ZNF766: variants seen among roughly 807,000 people sequenced by gnomAD.
The protein encoded by ZNF766 is zinc finger protein 766.
In ZNF766, 13 loss-of-function variants were observed where a neutral mutation model predicts 13.2. The observed-to-expected ratio is 0.98, with a 90% CI of 0.64 to 1.56. ZNF766 has a LOEUF of 1.56. ZNF766 is among the 40% of genes most tolerant of loss of function. ZNF766 has a pLI of 0.00. For missense variants in ZNF766, 521 were observed against 552.2 expected (o/e 0.94, Z 0.57); for synonymous variants, 178 against 187.6 (o/e 0.95, Z 0.42).
intron 1 of ZNF766, chr19:52,281,452 G>A (rs923795907): frequency 3.6e-6 from 1 of 281,580 alleles, no homozygotes. Context: ...CTAGGAGGCG[G>A]AGGTTGCAGT....
intron 1 of ZNF766, among the ~76,000 whole-genome samples, chr19:52,275,086 C>T (rs894668077): frequency 2.6e-5 from 4 of 152,112 alleles, no homozygotes; most frequent in Admixed American, 1.3e-4. Context: ...AAAGGAGTGA[C>T]GCCTCTAGAA....
At chr19:52,284,273 A>G (rs1371055536) in intron 3 of ZNF766, among the ~76,000 whole-genome samples, 1 of 152,092 alleles carries the variant, frequency 6.6e-6, no homozygotes, top group Non-Finnish European at 1.5e-5. Flanking sequence ...CTCTGTCCTT[A>G]TACATCAGAG....
intron 1 of ZNF766, 77 bp from the exon 2 acceptor site, chr19:52,282,034 T>TA (rs1491582466): frequency 1.5e-5 from 23 of 1,543,404 alleles, no homozygotes; most frequent in Non-Finnish European, 1.9e-5. Context: ...AGTCAGTCCT[T>TA]ACAACCCTCT....
Position 52,273,149 on chromosome 19 carries a change from C to T in ZNF766, c.18+3518C>T, listed in dbSNP as rs375763579. On this transcript the variant is annotated intron_variant, in intron 1 of 3. Transcript: ENST00000439461. ...TCAGCCTCCCAAGTAGCTGGGACTACAGGCGTGCACCATCACGCCCAACTA... is the reference window on the plus strand; with the variant it reads ...TCAGCCTCCCAAGTAGCTGGGACTATAGGCGTGCACCATCACGCCCAACTA... Among the ~76,000 whole-genome samples, 4 of 152,182 alleles carry T rather than the reference C, an allele frequency of 2.6e-5. No individual in the cohort carries two copies. In the East Asian group the frequency reaches 7.8e-4, roughly 30 times the overall value.
At chr19:52,270,333 C>A (rs1402372695) in intron 1 of ZNF766, among the ~76,000 whole-genome samples, 1 of 152,080 alleles carries the variant, frequency 6.6e-6, no homozygotes, top group Non-Finnish European at 1.5e-5. Context: ...CATAACAAGA[C>A]GGCAACGCAG....
At chr19:52,271,675 A>G (rs1980981239) in intron 1 of ZNF766, among the ~76,000 whole-genome samples, 1 of 152,192 alleles carries the variant, frequency 6.6e-6, no homozygotes, top group Admixed American at 6.5e-5. Context: ...ACACAGACAC[A>G]CTGGCTGGGT....
Position 52,290,814 on chromosome 19 carries a change from CCT to C in ZNF766, c.1025_1026del (p.Leu342HisfsTer16), listed in dbSNP as rs1216019187. 1 of 1,613,818 alleles carries C rather than the reference CCT, an allele frequency of 6.2e-7. No homozygotes were observed. Among genetic ancestry groups the C allele is most frequent in the Admixed American group, 1.7e-5 (1 of 59,960 alleles). On this transcript the variant is annotated frameshift_variant, in exon 4 of 4. Transcript: ENST00000439461. LOFTEE classifies it low-confidence loss of function (END_TRUNC). ...GCAAAGAATTTAGTGGGCATTCAAG[CCT>C]CACCACCCATCTGTTAATCCACACT... ...CGKEFSGHSSLTTHLLIHTGE... is the reference protein window; with the variant it reads ...CGKEFSGHSSXTTHLLIHTGE...
chr19:52,282,026 T>G, intron 1 of ZNF766, 85 bp from the exon 2 acceptor site: 1 of 1,512,090 alleles, frequency 6.6e-7, no homozygotes, highest in Non-Finnish European at 9.0e-7. Flanking sequence ...TTCAGTTGAG[T>G]CAGTCCTTAC....
At chr19:52,277,910 C>T (rs942850010) in intron 1 of ZNF766, among the ~76,000 whole-genome samples, 2 of 151,814 alleles carry the variant, frequency 1.3e-5, no homozygotes, top group Non-Finnish European at 2.9e-5. Context: ...ACAGAAATCA[C>T]CTATTAATGT....
chr19:52,290,527 A>G lies in ZNF766; in HGVS notation c.736A>G (p.Lys246Glu), dbSNP rs1341681860. ...TACAGGAGAGAAACCTTACAAATGT[A>G]AAGAGTGTGGCAAGCTCTTCAATCG... Reference protein sequence around the residue: ...IRTGEKPYKCKECGKLFNRIA... With the variant: ...IRTGEKPYKCEECGKLFNRIA... Residue 246 changes from lysine to glutamate, a missense_variant, in exon 4 of 4, where the codon AAA becomes GAA. Lys to Glu is a moderately conservative substitution (Grantham distance 56, BLOSUM62 1). Transcript: ENST00000439461. 2 of 1,614,196 alleles carry G rather than the reference A, an allele frequency of 1.2e-6. No homozygotes were observed. The highest frequency in any genetic ancestry group is 1.7e-6 in the Non-Finnish European group (2 of 1,180,018).
intron 1 of ZNF766, 74 bp downstream of exon 1, chr19:52,269,705 G>C: frequency 6.3e-7 from 1 of 1,578,952 alleles, no homozygotes; most frequent in Non-Finnish European, 8.6e-7. Context: ...GATGTGGGGG[G>C]CGGTACAGAC....
chr19:52,277,478 C>G (rs1199592467), intron 1 of ZNF766: 2 of 1,562,888 alleles, frequency 1.3e-6, no homozygotes, highest in Admixed American at 3.7e-5. Context: ...CAAAAAAAGT[C>G]ATGTTATGTG....
intron 1 of ZNF766, among the ~76,000 whole-genome samples, chr19:52,272,211 C>G (rs1981009069): frequency 6.6e-6 from 1 of 152,150 alleles, no homozygotes. Flanking sequence ...CTCCACCATT[C>G]CTTTGATCCT....
At chr19:52,271,854 G>A (rs1386265317) in intron 1 of ZNF766, among the ~76,000 whole-genome samples, 1 of 151,926 alleles carries the variant, frequency 6.6e-6, no homozygotes, top group Non-Finnish European at 1.5e-5. Flanking sequence ...CAGTTACTCC[G>A]GAGGCTGAGG....
intron 1 of ZNF766, among the ~76,000 whole-genome samples, chr19:52,277,987 T>C (rs1372108579): frequency 6.6e-6 from 1 of 151,266 alleles, no homozygotes; most frequent in Non-Finnish European, 1.5e-5. Context: ...TTTTTTTTTT[T>C]TGGAGACAAG....
chr19:52,289,050 G>T (rs1219274477), intron 3 of ZNF766, among the ~76,000 whole-genome samples: 1 of 149,410 alleles, frequency 6.7e-6, no homozygotes, highest in Non-Finnish European at 1.5e-5. Flanking sequence ...TAGAGATAGG[G>T]TTTCACCATG....
intron 3 of ZNF766, among the ~76,000 whole-genome samples, chr19:52,284,307 C>G (rs1275091486): frequency 3.3e-5 from 5 of 152,172 alleles, no homozygotes; most frequent in African/African-American, 1.2e-4. Context: ...AGACCTGCCT[C>G]CTTGACCTAT....
intron 3 of ZNF766, among the ~76,000 whole-genome samples, chr19:52,285,245 G>A (rs1028303691): frequency 6.6e-6 from 1 of 152,086 alleles, no homozygotes; most frequent in African/African-American, 2.4e-5. Flanking sequence ...CTGACCAAAG[G>A]TGTGGGGGGT....
intron 3 of ZNF766, among the ~76,000 whole-genome samples, chr19:52,289,754 A>T (rs1465885231): frequency 6.6e-6 from 1 of 152,088 alleles, no homozygotes; most frequent in African/African-American, 2.4e-5. Context: ...TAATCCCAGC[A>T]CTTTGGGAGG....
Sources: allele counts gnomAD v4.1 joint callset (sites outside exome capture counted in the v4.1 genomes callset), GRCh38; gene constraint gnomAD v4.1.1; transcripts MANE v1.5; gene names NCBI Gene and HGNC (gene_info 2026-07-23, HGNC 2026-07-21).